The following CARF variants were observed in gnomAD, a reference collection of about 807,000 sequenced individuals.
CARF encodes the protein calcium-responsive transcription factor.
CARF carries 57 observed loss-of-function variants against 82.0 expected under a neutral mutation model. The observed-to-expected ratio is 0.70, with a 90% CI of 0.56 to 0.87. CARF has a LOEUF of 0.87. Ranked by LOEUF, CARF falls within the 40% of genes least tolerant of loss-of-function variation. The pLI is 0.00. For synonymous variants in CARF, 268 were observed against 290.1 expected (o/e 0.92, Z 0.77); for missense variants, 771 against 855.8 (o/e 0.90, Z 1.24).
intron 3 of CARF, among the ~76,000 whole-genome samples, chr2:202,929,041 T>C (rs926742819): frequency 6.6e-6 from 1 of 152,232 alleles, no homozygotes; most frequent in African/African-American, 2.4e-5. Context: ...GTATATCTTC[T>C]TTTGAGAGAT....
intron 5 of CARF, among the ~76,000 whole-genome samples, chr2:202,944,239 A>T (rs1256721888): frequency 6.6e-6 from 1 of 152,194 alleles, no homozygotes; most frequent in Non-Finnish European, 1.5e-5. Context: ...TGACTGACAT[A>T]TGGAAAATTA....
intron 6 of CARF, among the ~76,000 whole-genome samples, chr2:202,953,498 G>GTTTTTTTTTTTTTTT (rs67855316): frequency 2.8e-5 from 2 of 70,294 alleles, no homozygotes; most frequent in African/African-American, 5.6e-5. Context: ...TTTTTTTGTT[G>GTTTTTTTTTTTTTTT]TTTTTTTTTT....
chr2:202,943,587 T>TACAAAC (rs1234868583), intron 5 of CARF, among the ~76,000 whole-genome samples: 1 of 115,160 alleles, frequency 8.7e-6, no homozygotes, highest in Non-Finnish European at 1.7e-5. Context: ...TAATGGAATG[T>TACAAAC]ACACACACAC....
intron 11 of CARF, among the ~76,000 whole-genome samples, chr2:202,970,537 T>C (rs192804032): frequency 7.4e-4 from 112 of 152,318 alleles, no homozygotes; most frequent in Middle Eastern, 3.4e-3. Context: ...AAATGTGAAA[T>C]ATTAGCATTC....
chr2:202,926,954 C>T (rs552851432), intron 3 of CARF, among the ~76,000 whole-genome samples: 1 of 152,170 alleles, frequency 6.6e-6, no homozygotes, highest in Non-Finnish European at 1.5e-5. Context: ...GCTGGGACTA[C>T]AGGCATGCAC....
At chr2:202,938,689 G>T (rs1027638266) in intron 3 of CARF, among the ~76,000 whole-genome samples, 3 of 150,630 alleles carry the variant, frequency 2.0e-5, no homozygotes, top group Non-Finnish European at 4.4e-5. Context: ...TATTCTGAAG[G>T]TAAGACAGTG....
intron 3 of CARF, among the ~76,000 whole-genome samples, chr2:202,930,673 T>A (rs1692720294): frequency 6.6e-6 from 1 of 152,210 alleles, no homozygotes; most frequent in African/African-American, 2.4e-5. Context: ...TTGTTAAGTT[T>A]AAGACCATTG....
intron 3 of CARF, among the ~76,000 whole-genome samples, chr2:202,941,428 A>G (rs1380596317): frequency 1.3e-5 from 2 of 152,076 alleles, no homozygotes. Flanking sequence ...AAAATTGTAT[A>G]TATATAATCT....
chr2:202,958,404 A>G (rs1161689644), intron 8 of CARF, among the ~76,000 whole-genome samples: 4 of 152,084 alleles, frequency 2.6e-5, no homozygotes, highest in Non-Finnish European at 5.9e-5. Flanking sequence ...ATGGAATGCT[A>G]TGGATATTAG....
intron 3 of CARF, chr2:202,924,787 G>A (rs748639933): frequency 1.1e-5 from 2 of 180,582 alleles, no homozygotes; most frequent in African/African-American, 4.8e-5. Flanking sequence ...ACTGGCATGG[G>A]TCTGGAGGGA....
At chr2:202,968,539 C>T (rs1559263392) in intron 10 of CARF, among the ~76,000 whole-genome samples, 1 of 149,148 alleles carries the variant, frequency 6.7e-6, no homozygotes, top group African/African-American at 2.5e-5. Flanking sequence ...CTTTCAGTTG[C>T]TTTTTTTTTT....
At chr2:202,942,555 T>C in intron 4 of CARF, 185 bp from the exon 5 acceptor site, 1 of 753,154 alleles carries the variant, frequency 1.3e-6, no homozygotes, top group Non-Finnish European at 1.6e-6. Flanking sequence ...AAAATTAAGA[T>C]AGTAAGTATA....
At chr2:202,962,977 T>C (rs905674180) in intron 9 of CARF, 10 of 152,204 alleles carry the variant, frequency 6.6e-5, no homozygotes, top group African/African-American at 1.9e-4. Context: ...TAAAGTAGAA[T>C]TGCTGGTTGT....
chr2:202,981,105 A>G (rs72932554), intron 14 of CARF, among the ~76,000 whole-genome samples: 13,566 of 152,260 alleles, frequency 0.089, 736 homozygotes, highest in Non-Finnish European at 0.12. Flanking sequence ...CTACATCAGC[A>G]GTCCCCAGCC....
At chr2:202,927,032 T>G (rs977969705) in intron 3 of CARF, among the ~76,000 whole-genome samples, 1 of 152,086 alleles carries the variant, frequency 6.6e-6, no homozygotes, top group South Asian at 2.1e-4. Context: ...CCGTGGCTGG[T>G]CTCGAACTCC....
chr2:202,948,058 GTCT>G (rs1207770014), intron 5 of CARF, among the ~76,000 whole-genome samples: 1 of 152,142 alleles, frequency 6.6e-6, no homozygotes, highest in Non-Finnish European at 1.5e-5. Context: ...TCCAGCTTCT[GTCT>G]TCTGCATGTG....
chr2:202,975,409 A>G (rs1574783636), intron 13 of CARF, among the ~76,000 whole-genome samples: 1 of 151,962 alleles, frequency 6.6e-6, no homozygotes, highest in African/African-American at 2.4e-5. Flanking sequence ...GTGCCACTGC[A>G]CTCCAGCCTG....
chr2:202,970,049 G>A lies in CARF; in HGVS notation c.1084G>A (p.Gly362Ser). ...NMLKKNLVDA[G>S]GVLRWYVQLP... The stretch of plus-strand genomic sequence containing the variant: ...GCTAAAGAAGAACTTGGTAGATGCT[G>A]GTGGTGTTCTTAGGTATGACATTTT... Residue 362 changes from glycine (G) to serine (S), a missense_variant, in exon 11 of 17, where the codon GGT (glycine) becomes AGT (serine). Transcript: ENST00000438828. 1 of 1,567,724 alleles carries A rather than the reference G, an allele frequency of 6.4e-7. No homozygotes were observed. The highest frequency in any genetic ancestry group is 8.6e-7 in the Non-Finnish European group (1 of 1,166,482).
At chr2:202,956,228 C>T (rs1034771746) in intron 8 of CARF, among the ~76,000 whole-genome samples, 1 of 151,870 alleles carries the variant, frequency 6.6e-6, no homozygotes, top group Non-Finnish European at 1.5e-5. Context: ...GTCCGTATCA[C>T]CAGTTTATTT....
Sources: allele counts gnomAD v4.1 joint callset (sites outside exome capture counted in the v4.1 genomes callset), GRCh38; gene constraint gnomAD v4.1.1; transcripts MANE v1.5; gene names NCBI Gene and HGNC (gene_info 2026-07-23, HGNC 2026-07-21).